ARVCF: variants seen among roughly 807,000 people sequenced by gnomAD.
The protein encoded by ARVCF is splicing regulator ARVCF.
Under a neutral mutation model 90.9 loss-of-function variants are expected in ARVCF, and 66 were observed. The ratio of observed to expected loss-of-function variants is 0.73; its 90% CI spans 0.60 to 0.89. ARVCF has a LOEUF of 0.89. Ranked by LOEUF, ARVCF falls within the 40% of genes least tolerant of loss-of-function variation. The pLI is 0.00. For synonymous variants in ARVCF, 653 were observed against 603.4 expected, an observed-to-expected ratio of 1.08 and a Z score of -1.21; for missense variants, 1,469 against 1,382.3, an observed-to-expected ratio of 1.06 and a Z score of -1.00.
At chr22:20,007,028 T>C (rs1944654069) in intron 2 of ARVCF, among the ~76,000 whole-genome samples, 1 of 149,774 alleles carries the variant, frequency 6.7e-6, no homozygotes, top group African/African-American at 2.5e-5. Flanking sequence ...CCAAGGCAAG[T>C]GGATTGCTGG....
chr22:19,974,516 G>A (rs976713338), intron 11 of ARVCF, among the ~76,000 whole-genome samples: 1 of 152,108 alleles, frequency 6.6e-6, no homozygotes, highest in Non-Finnish European at 1.5e-5. Flanking sequence ...TGTCAACCAG[G>A]AACGCTCTCC....
chr22:19,978,062 C>T lies in ARVCF; in HGVS notation c.1594G>A (p.Asp532Asn), dbSNP rs748926778. ...AGTCGCCGCCGGGCCTCAGCACCATCGGAGCTCACATTCCTGTGTGGCCAA... is the reference window on the plus strand; with the variant it reads ...AGTCGCCGCCGGGCCTCAGCACCATTGGAGCTCACATTCCTGTGTGGCCAA... ...TSGCLRNVSS[D>N]GAEARRRLRE... is the part of the protein sequence containing the mutation. The change falls in exon 8 of 20, where the codon GAT (aspartate) becomes AAT (asparagine). Residue 532 changes from aspartate (D) to asparagine (N), a missense_variant. Asp to Asn is a conservative substitution (Grantham distance 23). Coordinates refer to ENST00000263207, the MANE Select transcript of ARVCF (RefSeq NM_001670.3). 3.9e-5 allele frequency: 63 copies of T among 1,608,304 alleles called. 1 individual carries two copies. Among genetic ancestry groups the T allele is most frequent in the South Asian group, 3.7e-4 (34 of 90,736 alleles).
intron 3 of ARVCF, chr22:19,987,108 G>A (rs759377379): frequency 5.4e-6 from 3 of 557,966 alleles, no homozygotes; most frequent in Admixed American, 3.2e-5. Context: ...CCGGGACTCG[G>A]GGGGCGCTGG....
intron 8 of ARVCF, among the ~76,000 whole-genome samples, 185 bp from the exon 9 acceptor site, chr22:19,977,771 C>T (rs550440028): frequency 5.3e-5 from 8 of 152,210 alleles, no homozygotes; most frequent in Non-Finnish European, 8.8e-5. Flanking sequence ...TCTGCCCTCA[C>T]GGCACACCTT....
At chr22:20,010,216 C>T (rs1944776444) in intron 2 of ARVCF, among the ~76,000 whole-genome samples, 1 of 152,248 alleles carries the variant, frequency 6.6e-6, no homozygotes, top group East Asian at 1.9e-4. Flanking sequence ...TAAAGCCAGA[C>T]ATCAAACCAG....
chr22:19,979,993 C>T lies in ARVCF; in HGVS notation c.1146G>A (p.Leu382=), dbSNP rs763419773. ...CCTCGTTCTCAAAGCACAGATGCTG[C>T]AGGTAGGCGGCCGCATTGGCCTTCA... ...DPVKANAAAY[L]QHLCFENEGV... Residue 382 remains leucine, a synonymous_variant, in exon 6 of 20, where the codon CTG becomes CTA. Coordinates refer to ENST00000263207, the MANE Select transcript of ARVCF (RefSeq NM_001670.3). 6.3e-7 allele frequency: 1 copy of T among 1,595,636 alleles called. No homozygotes were observed. Among genetic ancestry groups the T allele is most frequent in the African/African-American group, 1.3e-5 (1 of 74,734 alleles).
chr22:19,979,682 C>G, intron 6 of ARVCF, 61 bp downstream of exon 6: 2 of 1,510,196 alleles, frequency 1.3e-6, no homozygotes, highest in Non-Finnish European at 1.8e-6. Flanking sequence ...TCGTTCCTCC[C>G]GGGTTGAGCC....
At chr22:20,010,871 C>T (rs966958504) in intron 1 of ARVCF, among the ~76,000 whole-genome samples, 5 of 152,250 alleles carry the variant, frequency 3.3e-5, no homozygotes, top group African/African-American at 4.8e-5. Context: ...TGTTGCCCCA[C>T]GCAGGTGCTC....
At chr22:19,980,573 G>GAGCT (rs1943436901) in intron 5 of ARVCF, 3 of 302,946 alleles carry the variant, frequency 9.9e-6, no homozygotes, top group African/African-American at 4.3e-5. Flanking sequence ...TATGGCTGCT[G>GAGCT]GAGAGACCGT....
chr22:19,999,662 G>A (rs1004908478), intron 2 of ARVCF, among the ~76,000 whole-genome samples: 1 of 152,206 alleles, frequency 6.6e-6, no homozygotes, highest in African/African-American at 2.4e-5. Context: ...TGGTGTGGGT[G>A]GGAGAATTAA....
Position 19,974,177 on chromosome 22 carries a change from G to C in ARVCF, c.2023C>G (p.Arg675Gly), listed in dbSNP as rs200370781. Residue 675 changes from arginine to glycine, a missense_variant, in exon 12 of 20, where the codon CGG becomes GGG. By Grantham distance (125) the Arg-to-Gly change is moderately radical. Coordinates refer to ENST00000263207, the MANE Select transcript of ARVCF (RefSeq NM_001670.3). ...RLYLSLLTES[R>G]NFNTLEAAAG... is the part of the protein sequence containing the mutation. ...GCAGCCTCCAGGGTGTTGAAGTTCCGGCTCTCCGTGAGGAGGGAGAGGTAG... is the reference window on the plus strand; with the variant it reads ...GCAGCCTCCAGGGTGTTGAAGTTCCCGCTCTCCGTGAGGAGGGAGAGGTAG... 3.1e-6 allele frequency: 5 copies of C among 1,612,830 alleles called. No individual in the cohort carries two copies. Among genetic ancestry groups the C allele is most frequent in the South Asian group, 1.1e-5 (1 of 91,050 alleles).
In ARVCF at chr22:19,976,187, C is replaced by G. The variant is rs565615092; in HGVS notation, c.1889-430G>C. Reference sequence around the variant, plus strand: ...CAGAACTAGGGGGAAACTCCCCCAGCTGGGGTCAGGACATTGTCCCAGGAT... The same window carrying G: ...CAGAACTAGGGGGAAACTCCCCCAGGTGGGGTCAGGACATTGTCCCAGGAT... On this transcript the variant is annotated intron_variant, in intron 10 of 19. Coordinates refer to ENST00000263207, the MANE Select transcript of ARVCF (RefSeq NM_001670.3). Among the ~76,000 whole-genome samples, 12 of 152,304 alleles carry G rather than the reference C, an allele frequency of 7.9e-5. No homozygotes were observed. In the South Asian group the frequency reaches 1.9e-3, roughly 24 times the overall value.
At chr22:19,967,279 T>A, downstream of ARVCF, 2 of 1,184,410 alleles carry the variant, frequency 1.7e-6, no homozygotes, top group Non-Finnish European at 2.3e-6. Context: ...GGCCCCTCAC[T>A]CATGCATTCC....
At chr22:19,973,092 C>CA (rs1234761007) in intron 14 of ARVCF, 27 bp downstream of exon 14, 1 of 1,602,936 alleles carries the variant, frequency 6.2e-7, no homozygotes, top group Non-Finnish European at 8.5e-7. Context: ...CGCGGCTCCC[C>CA]AAGCCACCGA....
Position 19,970,092 on chromosome 22 carries a change from T to C in ARVCF, c.*664A>G. ...AGGTGCTGCCCAGGCTCCAGGCAGA[T>C]GCGGCAGCCCCGGCCCCAGCCAGCA... On this transcript the variant is annotated 3_prime_UTR_variant, in exon 20 of 20. Coordinates refer to ENST00000263207, the MANE Select transcript of ARVCF (RefSeq NM_001670.3). 1 of 985,430 alleles carries C rather than the reference T, an allele frequency of 1.0e-6. No individual in the cohort carries two copies. Among genetic ancestry groups the C allele is most frequent in the Non-Finnish European group, 1.2e-6 (1 of 829,906 alleles). 61.0% of individuals were successfully genotyped at this position (985,430 alleles called of 1,614,324 possible). A position where few individuals can be genotyped will look rare whatever the true frequency, so the allele number is the denominator to read the frequency against.
intron 1 of ARVCF, among the ~76,000 whole-genome samples, chr22:20,013,840 A>C (rs921385289): frequency 6.6e-6 from 1 of 152,092 alleles, no homozygotes; most frequent in Admixed American, 6.5e-5. Context: ...CCAAGACTTC[A>C]TCTTGGGTTT....
At chr22:19,986,855 C>A (rs1390529709) in intron 3 of ARVCF, among the ~76,000 whole-genome samples, 1 of 152,188 alleles carries the variant, frequency 6.6e-6, no homozygotes, top group African/African-American at 2.4e-5. Flanking sequence ...CTCCAGAGAC[C>A]CTGCGGCCCG....
At chr22:19,997,932 G>A (rs1418261370) in intron 2 of ARVCF, among the ~76,000 whole-genome samples, 1 of 152,246 alleles carries the variant, frequency 6.6e-6, no homozygotes, top group Non-Finnish European at 1.5e-5. Flanking sequence ...GAGGGCAGGC[G>A]CAGTGGAGGC....
intron 2 of ARVCF, among the ~76,000 whole-genome samples, chr22:20,006,405 G>A (rs368813431): frequency 5.3e-5 from 8 of 151,710 alleles, no homozygotes; most frequent in Admixed American, 2.0e-4. Context: ...GTGAAACCCC[G>A]TCTCTACTAA....
Sources: gnomAD v4.1 joint callset for allele counts (sites outside exome capture counted in the v4.1 genomes callset) on GRCh38, gnomAD v4.1.1 for gene constraint, MANE v1.5 for transcripts, NCBI Gene and HGNC (gene_info 2026-07-23, HGNC 2026-07-21) for gene names.